NXPE2: variants seen among roughly 807,000 people sequenced by gnomAD.
NXPE2 encodes NXPE family member 2.
Under a neutral mutation model 34.4 loss-of-function variants are expected in NXPE2, and 34 were observed. The ratio of observed to expected loss-of-function variants is 0.99; its 90% CI spans 0.75 to 1.31. The LOEUF is 1.31. Among genes scored for constraint, NXPE2 ranks in the 40% most tolerant of loss-of-function variants. The pLI is 0.00. For synonymous variants in NXPE2, 235 were observed against 231.3 expected (o/e 1.02, Z -0.15); for missense variants, 649 against 672.5 (o/e 0.97, Z 0.39).
chr11:114,616,902 G>A, the NXPE2 span, among the ~76,000 whole-genome samples: 6 of 146,290 alleles, frequency 4.1e-5, no homozygotes, highest in South Asian at 2.1e-4. Context: ...GTATTGTCTC[G>A]TGGGTAACCA....
chr11:114,464,382 A>G, the NXPE2 span, among the ~76,000 whole-genome samples: 1 of 152,198 alleles, frequency 6.6e-6, no homozygotes, highest in Non-Finnish European at 1.5e-5. Context: ...GAAAATCATT[A>G]CTGACCATCC....
At chr11:114,803,078 G>A in the NXPE2 span, among the ~76,000 whole-genome samples, 10 of 152,116 alleles carry the variant, frequency 6.6e-5, 1 homozygote, top group East Asian at 3.9e-4. Flanking sequence ...TCTACTCAGC[G>A]CTCTCCTGCC....
chr11:114,674,712 TC>T (rs1181015705), upstream of NXPE2, among the ~76,000 whole-genome samples: 2 of 151,768 alleles, frequency 1.3e-5, no homozygotes, highest in African/African-American at 4.8e-5. Context: ...TCTCATGAAT[TC>T]TAGTAAACAT....
the NXPE2 span, among the ~76,000 whole-genome samples, chr11:114,545,571 A>G: frequency 7.9e-5 from 12 of 152,166 alleles, 1 homozygote; most frequent in Non-Finnish European, 2.9e-5. Flanking sequence ...GGGAGGGGAG[A>G]AAGTTGAATA....
At chr11:114,542,431 G>A in the NXPE2 span, among the ~76,000 whole-genome samples, 5 of 152,202 alleles carry the variant, frequency 3.3e-5, no homozygotes, top group East Asian at 9.7e-4. Context: ...TTTGATATGA[G>A]GATTTATGGT....
the NXPE2 span, chr11:114,583,313 A>C: frequency 1.6e-6 from 1 of 625,228 alleles, no homozygotes; most frequent in Non-Finnish European, 3.0e-6. Context: ...GGGTGTTGGA[A>C]ATTACTATTA....
the NXPE2 span, among the ~76,000 whole-genome samples, chr11:114,649,773 T>C: frequency 6.6e-6 from 1 of 152,154 alleles, no homozygotes; most frequent in South Asian, 2.1e-4. Context: ...CAAAATAGCC[T>C]CCAGAATAGA....
chr11:114,803,702 G>T, the NXPE2 span, among the ~76,000 whole-genome samples: 1 of 151,772 alleles, frequency 6.6e-6, no homozygotes, highest in Non-Finnish European at 1.5e-5. Flanking sequence ...TCAGCCTCCC[G>T]AGTAGCTGGG....
chr11:114,548,281 G>T, the NXPE2 span, among the ~76,000 whole-genome samples: 392 of 152,172 alleles, frequency 2.6e-3, 2 homozygotes, highest in African/African-American at 9.0e-3. Flanking sequence ...AGTGAACAAA[G>T]TTAGTAAGGC....
At chr11:114,521,991 T>C in the NXPE2 span, 1 of 1,613,078 alleles carries the variant, frequency 6.2e-7, no homozygotes, top group South Asian at 1.1e-5. Flanking sequence ...TTTAAGAACA[T>C]GTTAATCTGA....
the NXPE2 span, among the ~76,000 whole-genome samples, chr11:114,555,579 C>A: frequency 6.6e-6 from 1 of 152,144 alleles, no homozygotes; most frequent in Non-Finnish European, 1.5e-5. Context: ...AATGTAGACA[C>A]CTGTGTACCC....
the NXPE2 span, among the ~76,000 whole-genome samples, chr11:114,807,801 A>C: frequency 6.6e-6 from 1 of 152,062 alleles, no homozygotes; most frequent in African/African-American, 2.4e-5. Context: ...GAAAGTTAAC[A>C]AGGATACCCA....
the NXPE2 span, among the ~76,000 whole-genome samples, chr11:114,650,352 G>A: frequency 6.6e-6 from 1 of 152,172 alleles, no homozygotes; most frequent in East Asian, 1.9e-4. Flanking sequence ...CAGAAAAGAG[G>A]ATGTCACAAT....
At chr11:114,538,214 T>C in the NXPE2 span, among the ~76,000 whole-genome samples, 4 of 152,126 alleles carry the variant, frequency 2.6e-5, no homozygotes, top group East Asian at 3.9e-4. Flanking sequence ...GCTGGGAAAA[T>C]TGGCTAGCCA....
chr11:114,740,088 A>G, the NXPE2 span, among the ~76,000 whole-genome samples: 2 of 152,206 alleles, frequency 1.3e-5, no homozygotes, highest in African/African-American at 2.4e-5. Context: ...AAAGTTTAAT[A>G]TATAAATTAG....
At chr11:114,766,168 A>G in the NXPE2 span, among the ~76,000 whole-genome samples, 2 of 152,200 alleles carry the variant, frequency 1.3e-5, no homozygotes, top group East Asian at 3.9e-4. Context: ...TTTTCCCTCA[A>G]ATGAACCCTT....
chr11:114,601,689 T>A, the NXPE2 span, among the ~76,000 whole-genome samples: 2 of 31,474 alleles, frequency 6.4e-5, no homozygotes, highest in African/African-American at 3.5e-4. Context: ...ATAGATTATA[T>A]ATATTTATAA....
chr11:114,713,525 G>C, the NXPE2 span, among the ~76,000 whole-genome samples: 2 of 152,016 alleles, frequency 1.3e-5, 1 homozygote, highest in South Asian at 4.2e-4. Context: ...ATGAAAAGTT[G>C]GCCCTCTGTA....
the NXPE2 span, among the ~76,000 whole-genome samples, chr11:114,738,436 C>G: frequency 6.6e-6 from 1 of 152,090 alleles, no homozygotes; most frequent in Non-Finnish European, 1.5e-5. Context: ...CTCTTTGGCT[C>G]CCTTAATGCC....
Sources: gnomAD v4.1 joint callset for allele counts (sites outside exome capture counted in the v4.1 genomes callset) on GRCh38, gnomAD v4.1.1 for gene constraint, MANE v1.5 for transcripts, NCBI Gene and HGNC (gene_info 2026-07-23, HGNC 2026-07-21) for gene names.